Variants in CACNA1D observed in about 807,000 individuals in gnomAD.
CACNA1D encodes voltage-dependent L-type calcium channel subunit alpha-1D.
CACNA1D carries 55 observed loss-of-function variants against 257.1 expected under a neutral mutation model. The ratio of observed to expected loss-of-function variants is 0.21; its 90% CI spans 0.17 to 0.27. CACNA1D has a LOEUF of 0.27. Among genes scored for constraint, CACNA1D ranks in the 10% least tolerant of loss-of-function variants. CACNA1D has a pLI of 1.00. For synonymous variants in CACNA1D, 980 were observed against 1,014.9 expected, an observed-to-expected ratio of 0.97 and a Z score of 0.65; for missense variants, 1,876 against 2,784.0, an observed-to-expected ratio of 0.67 and a Z score of 7.34.
At chr3:53,615,000 G>A (rs945957782) in intron 3 of CACNA1D, among the ~76,000 whole-genome samples, 2 of 152,190 alleles carry the variant, frequency 1.3e-5, no homozygotes, top group Non-Finnish European at 2.9e-5. Flanking sequence ...AAATGGGAAG[G>A]AGAGAGAAGA....
At chr3:53,692,890 T>C (rs2094540854) in intron 8 of CACNA1D, among the ~76,000 whole-genome samples, 3 of 152,042 alleles carry the variant, frequency 2.0e-5, no homozygotes, top group Admixed American at 2.0e-4. Flanking sequence ...AAACCCTGTC[T>C]ACTAAAAATA....
Position 53,751,763 on chromosome 3 carries a change from A to G in CACNA1D, c.3531A>G (p.Glu1177=), listed in dbSNP as rs146371857. 8.1e-6 allele frequency: 13 copies of G among 1,614,166 alleles called. No homozygotes were observed. The East Asian group carries it at 2.7e-4, about 33-fold the overall frequency. The change falls in exon 28 of 48, where the codon GAA becomes GAG. Residue 1177 remains glutamate, a synonymous_variant. Transcript: ENST00000350061. The surrounding 1 kb of genome is among the most constrained non-coding windows in gnomAD (Gnocchi z 4.3). ...TGCTGTTGCAGCGTCAGTGTGTTGAATACGCCTTGAAAGCACGTCCCTTGC... is the reference window on the plus strand; with the variant it reads ...TGCTGTTGCAGCGTCAGTGTGTTGAGTACGCCTTGAAAGCACGTCCCTTGC... ...ELDKNQRQCV[E]YALKARPLRR... is the part of the protein sequence containing the mutation.
chr3:53,638,576 A>G (rs2093912990), intron 3 of CACNA1D, among the ~76,000 whole-genome samples: 1 of 152,226 alleles, frequency 6.6e-6, no homozygotes, highest in African/African-American at 2.4e-5. Flanking sequence ...TCTTGTTTAC[A>G]TAGGCTGCCT....
intron 3 of CACNA1D, among the ~76,000 whole-genome samples, chr3:53,641,477 T>C (rs1289031853): frequency 6.6e-6 from 1 of 152,158 alleles, no homozygotes. Flanking sequence ...ATGCCTGGTA[T>C]GGAGCAGATA....
chr3:53,577,109 A>G (rs2532861), intron 3 of CACNA1D, among the ~76,000 whole-genome samples: 148,997 of 152,270 alleles, frequency 0.98, 72,925 homozygotes, highest in East Asian at 1. Flanking sequence ...AGAGACTGAG[A>G]TTATCGCTGG....
At chr3:53,733,427 T>A (rs545414412) in intron 19 of CACNA1D, among the ~76,000 whole-genome samples, 1 of 152,140 alleles carries the variant, frequency 6.6e-6, no homozygotes, top group East Asian at 1.9e-4. Context: ...TCCTCATAGA[T>A]CCCCCACTTG....
chr3:53,660,192 G>A lies in CACNA1D; in HGVS notation c.683G>A (p.Ser228Asn). Reference protein sequence around the residue: ...TKETEGGNHSSGKSGGFDVKA... With the variant: ...TKETEGGNHSNGKSGGFDVKA... The stretch of plus-strand genomic sequence containing the variant: ...GAAACAGAAGGCGGGAACCACTCAA[G>A]CGGCAAATCTGGAGGCTTTGATGTC... The change falls in exon 5 of 48, where the codon AGC becomes AAC. Residue 228 changes from serine to asparagine, a missense_variant. Ser to Asn is a conservative substitution (Grantham distance 46). Around this residue, in one of 10 missense-constraint regions of CACNA1D, gnomAD observed 188 missense variants for 390.4 expected, o/e 0.48. Coordinates refer to ENST00000350061, the MANE Select transcript of CACNA1D (RefSeq NM_001128840.3). 1 of 1,614,042 alleles carries A rather than the reference G, an allele frequency of 6.2e-7. No individual in the cohort carries two copies. The highest frequency in any genetic ancestry group is 8.5e-7 in the Non-Finnish European group (1 of 1,179,878).
chr3:53,762,234 A>G (rs914393064), intron 30 of CACNA1D, among the ~76,000 whole-genome samples, 153 bp downstream of exon 30: 1 of 152,258 alleles, frequency 6.6e-6, no homozygotes, highest in African/African-American at 2.4e-5. Flanking sequence ...GCTGTAGGCA[A>G]GACGTGTTTC....
intron 7 of CACNA1D, among the ~76,000 whole-genome samples, chr3:53,670,640 C>T (rs889884325): frequency 3.3e-5 from 5 of 152,176 alleles, no homozygotes; most frequent in East Asian, 1.9e-4. Flanking sequence ...CTGCTGCACC[C>T]GGCCCATTTC....
At chr3:53,770,234 C>T (rs571593078) in intron 31 of CACNA1D, among the ~76,000 whole-genome samples, 190 bp from the exon 32 acceptor site, 2 of 152,188 alleles carry the variant, frequency 1.3e-5, no homozygotes, top group Non-Finnish European at 2.9e-5. Flanking sequence ...GCTGTGTGGA[C>T]GCAGTTTTCC....
intron 3 of CACNA1D, among the ~76,000 whole-genome samples, chr3:53,587,575 G>A (rs1334732653): frequency 5.9e-5 from 9 of 152,198 alleles, no homozygotes; most frequent in Non-Finnish European, 2.9e-5. Flanking sequence ...GAGCTCCAAA[G>A]AGAGAAGTGG....
In CACNA1D at chr3:53,749,218, G is replaced by A. The variant is rs56361191; in HGVS notation, c.3315-50G>A. The A allele has an allele frequency of 4.5e-3, 6,154 of 1,361,260 alleles. 25 individuals are homozygous for A. Among genetic ancestry groups the A allele is most frequent in the Non-Finnish European group, 5.5e-3 (5,204 of 953,920 alleles). 84.3% of individuals were successfully genotyped at this position (1,361,260 alleles called of 1,614,324 possible). On this transcript the variant is annotated intron_variant, in intron 26 of 47. Transcript: ENST00000350061. ...ACCTGGGAAGGCAGCGGGCTGGGCC[G>A]TGTGGGCTGGGGGGCTTGGCAGGTC... is the stretch of plus-strand genomic sequence containing the variant.
intron 3 of CACNA1D, among the ~76,000 whole-genome samples, chr3:53,581,924 G>A (rs2093139495): frequency 1.3e-5 from 2 of 152,184 alleles, no homozygotes; most frequent in Non-Finnish European, 2.9e-5. Context: ...TGGGTATCTC[G>A]AAGCTGCTGT....
At chr3:53,538,596 C>G (rs11719824) in intron 3 of CACNA1D, among the ~76,000 whole-genome samples, 1 of 152,192 alleles carries the variant, frequency 6.6e-6, no homozygotes, top group Non-Finnish European at 1.5e-5. Flanking sequence ...CTCAGATCAT[C>G]CCCCTTGTGG....
Position 53,775,971 on chromosome 3 carries a change from G to C in CACNA1D, c.4288G>C (p.Gly1430Arg). The C allele has an allele frequency of 1.9e-6, 3 of 1,613,906 alleles. No individual in the cohort carries two copies. Among genetic ancestry groups the C allele is most frequent in the Non-Finnish European group, 2.5e-6 (3 of 1,179,796 alleles). ...LCDPESDYNP[G>R]EEYTCGSNFA... ...TGACCCTGAGTCAGATTACAACCCC[G>C]GGGAGGAGTATACATGTGGGAGCAA... Residue 1430 changes from glycine to arginine, a missense_variant, in exon 35 of 48, where the codon GGG becomes CGG. This residue lies in a region of CACNA1D where 83 missense variants were observed against 210.7 expected (regional missense o/e 0.39). Coordinates refer to ENST00000350061, the MANE Select transcript of CACNA1D (RefSeq NM_001128840.3).
intron 9 of CACNA1D, among the ~76,000 whole-genome samples, chr3:53,713,994 G>T (rs897425790): frequency 6.6e-6 from 1 of 152,132 alleles, no homozygotes; most frequent in African/African-American, 2.4e-5. Flanking sequence ...CAAAATATAG[G>T]CCTTGAGCTT....
At position 53,808,645 on chromosome 3, in the gene CACNA1D, C is replaced by G. The variant is rs551820289; in HGVS notation, c.5750-4C>G. Reference sequence around the variant, plus strand: ...CAGCTGTGTGATGCCCTTTGCTTTCCCAGCCCACCGGAGATCCTCCTTCAA... The same window carrying G: ...CAGCTGTGTGATGCCCTTTGCTTTCGCAGCCCACCGGAGATCCTCCTTCAA... On this transcript the variant is annotated splice_polypyrimidine_tract_variant and splice_region_variant and intron_variant, in intron 45 of 47. Transcript: ENST00000350061. 1.7e-5 allele frequency: 27 copies of G among 1,607,100 alleles called. No homozygotes were observed. In the South Asian group the frequency reaches 2.5e-4, roughly 15 times the overall value.
In CACNA1D at chr3:53,800,443, C is replaced by T; in HGVS notation, c.5040+78C>T. 1 of 978,986 alleles carries T rather than the reference C, an allele frequency of 1.0e-6. No homozygotes were observed. Among genetic ancestry groups the T allele is most frequent in the South Asian group, 1.3e-5 (1 of 78,014 alleles). 60.6% of individuals were successfully genotyped at this position (978,986 alleles called of 1,614,324 possible). A position where few individuals can be genotyped will look rare whatever the true frequency, so the allele number is the denominator to read the frequency against. The stretch of plus-strand genomic sequence containing the variant: ...GACTCCAGTTTGGGCAGTTAATCAT[C>T]CACAGAAGAGTCTGGAGAATGCAGC... On this transcript the variant is annotated intron_variant, in intron 41 of 47. Coordinates refer to ENST00000350061, the MANE Select transcript of CACNA1D (RefSeq NM_001128840.3). The surrounding 1 kb of genome is among the most constrained non-coding windows in gnomAD (Gnocchi z 4.3).
At chr3:53,595,833 T>A (rs577844750) in intron 3 of CACNA1D, among the ~76,000 whole-genome samples, 1 of 152,270 alleles carries the variant, frequency 6.6e-6, no homozygotes, top group African/African-American at 2.4e-5. Flanking sequence ...ATGTGCTCAT[T>A]TGATCATAAG....
Sources: gnomAD v4.1 joint callset for allele counts (sites outside exome capture counted in the v4.1 genomes callset) on GRCh38, gnomAD v4.1.1 for gene constraint, gnomAD v4.1.1 regional missense constraint, Gnocchi (gnomAD v3.1) non-coding constraint, MANE v1.5 for transcripts, NCBI Gene and HGNC (gene_info 2026-07-23, HGNC 2026-07-21) for gene names.